FHL1: variants seen among roughly 807,000 people sequenced by gnomAD.
FHL1 encodes four and a half LIM domains 1.
Under a neutral mutation model 20.3 loss-of-function variants are expected in FHL1, and 1 was observed. That is an observed-to-expected ratio of 0.05 (90% CI 0.02 to 0.23). The LOEUF is 0.23. FHL1 is among the 10% of genes least tolerant of loss of function. The pLI, the probability that FHL1 is intolerant of heterozygous loss-of-function variation, is 1.00. For synonymous variants in FHL1, 82 were observed against 88.9 expected (o/e 0.92, Z 0.44); for missense variants, 177 against 234.0 (o/e 0.76, Z 1.59).
rs774705126 is a variant in FHL1, at chrX:136,183,137, G to C, written c.-27+13157G>C. On this transcript the variant is annotated intron_variant, in intron 2 of 6. Coordinates refer to the FHL1 transcript ENST00000394153. ...AAAACAAACAAACAAAAAAAAAACAGAAAATATATTTTGGGCAGAGATTAG... is the reference window on the plus strand; with the variant it reads ...AAAACAAACAAACAAAAAAAAAACACAAAATATATTTTGGGCAGAGATTAG... Among the ~76,000 whole-genome samples, 10 of 105,911 alleles carry C rather than the reference G, an allele frequency of 9.4e-5. No individual in the cohort carries two copies. In the South Asian group the frequency reaches 3.4e-3, roughly 36 times the overall value. 92.0% of individuals were successfully genotyped at this position (105,911 alleles called of 115,157 possible).
intron 2 of FHL1, among the ~76,000 whole-genome samples, chrX:136,173,311 T>G (rs924620137): frequency 1.2e-4 from 13 of 112,691 alleles, no homozygotes; most frequent in Non-Finnish European, 1.9e-4. Context: ...CATTATTGAT[T>G]TGGCAGTTTT....
intron 1 of FHL1, chrX:136,169,754 G>T: frequency 3.0e-6 from 1 of 329,580 alleles, no homozygotes; most frequent in South Asian, 2.6e-5. Flanking sequence ...CATCTTGGCA[G>T]TTTTCCTTTA....
chrX:136,170,494 A>G (rs901572105), intron 2 of FHL1, among the ~76,000 whole-genome samples: 4 of 110,790 alleles, frequency 3.6e-5, no homozygotes, highest in African/African-American at 1.3e-4. Flanking sequence ...GGTCCAGGAG[A>G]TTTTCTTCTG....
At position 136,207,947 on chromosome X, in the gene FHL1, G is replaced by A. The variant is rs779919392; in HGVS notation, c.535G>A (p.Val179Met). 8 of 1,211,201 alleles carry A rather than the reference G, an allele frequency of 6.6e-6. No individual in the cohort carries two copies. The highest frequency in any genetic ancestry group is 8.9e-6 in the Non-Finnish European group (8 of 895,434). Residue 179 changes from valine (V) to methionine (M), a missense_variant, in exon 4 of 6, where the codon GTG (valine) becomes ATG (methionine). Physicochemically the swap from Val to Met is conservative, Grantham distance 21. Transcript: ENST00000370683. Reference protein sequence around the residue: ...CHETKFAKHCVKCNKAITSGG... With the variant: ...CHETKFAKHCMKCNKAITSGG... ...TGAGACCAAGTTTGCCAAGCATTGC[G>A]TGAAGTGCAACAAGGTATGCTTTCA...
At chrX:136,159,445 G>A (rs1231319318) in intron 1 of FHL1, among the ~76,000 whole-genome samples, 3 of 111,861 alleles carry the variant, frequency 2.7e-5, no homozygotes, top group Non-Finnish European at 3.8e-5. Context: ...GGGTGGTTGA[G>A]GTGGGAGAAT....
intron 1 of FHL1, among the ~76,000 whole-genome samples, chrX:136,161,815 C>T (rs1429453213): frequency 8.9e-6 from 1 of 111,808 alleles, no homozygotes; most frequent in Non-Finnish European, 1.9e-5. Context: ...CTGTGGGGAG[C>T]CTTAAAACAA....
chrX:136,208,783 C>A, intron 5 of FHL1, 142 bp downstream of exon 5: 1 of 618,356 alleles, frequency 1.6e-6, no homozygotes, highest in Admixed American at 2.5e-5. Context: ...CCAAAGGCCC[C>A]CCAAGAGTTT....
At chrX:136,169,926 C>G (rs1224895550) in exon 2 of FHL1, 2 of 330,784 alleles carry the variant, frequency 6.0e-6, no homozygotes, top group Admixed American at 3.1e-5. Context: ...AAGTTGTTTT[C>G]AACCATATCC....
chrX:136,164,956 T>C (rs2072672147), upstream of FHL1, among the ~76,000 whole-genome samples: 2 of 112,273 alleles, frequency 1.8e-5, no homozygotes, highest in African/African-American at 6.5e-5. Flanking sequence ...TTTAAAAATA[T>C]AACCCATCTT....
chrX:136,196,841 T>C, upstream of FHL1: 1 of 1,167,138 alleles, frequency 8.6e-7, no homozygotes, highest in Non-Finnish European at 1.1e-6. Flanking sequence ...TGGAGCTAAT[T>C]TGGATGCTGA....
chrX:136,175,311 AAC>A (rs1183163749), intron 2 of FHL1, among the ~76,000 whole-genome samples: 1 of 112,865 alleles, frequency 8.9e-6, no homozygotes, highest in Non-Finnish European at 1.9e-5. Flanking sequence ...ACAAAAAGAA[AAC>A]ACAATGTTAA....
chrX:136,153,163 T>G (rs1422067794), intron 1 of FHL1, among the ~76,000 whole-genome samples: 1 of 111,303 alleles, frequency 9.0e-6, no homozygotes, highest in Non-Finnish European at 1.9e-5. Flanking sequence ...TGTTTTGTTT[T>G]GACAACTAAA....
chrX:136,210,598 G>C lies in FHL1; in HGVS notation c.*573G>C, dbSNP rs1197901620. On this transcript the variant is annotated 3_prime_UTR_variant, in exon 6 of 6. Coordinates refer to ENST00000370683, the MANE Select transcript of FHL1 (RefSeq NM_001159699.2). Reference sequence around the variant, plus strand: ...TCCAGAAAATTAACATTTGAACTTAGCTGTAATTCTAAACTGACCTTTCCC... The same window carrying C: ...TCCAGAAAATTAACATTTGAACTTACCTGTAATTCTAAACTGACCTTTCCC... The C allele has an allele frequency of 1.8e-5, 7 of 390,317 alleles. No homozygotes were observed. In the South Asian group the frequency reaches 1.8e-4, roughly 10 times the overall value. The allele number at this position is 390,317 out of a possible 1,213,427, so 32.2% of individuals were successfully genotyped here. A position where few individuals can be genotyped will look rare whatever the true frequency, so the allele number is the denominator to read the frequency against.
intron 1 of FHL1, among the ~76,000 whole-genome samples, chrX:136,153,636 T>C (rs1018992086): frequency 2.7e-5 from 3 of 111,835 alleles, no homozygotes; most frequent in African/African-American, 9.8e-5. Context: ...AATTTTTCAA[T>C]AAGAATGGTA....
chrX:136,173,393 T>C (rs887297559), intron 2 of FHL1, among the ~76,000 whole-genome samples: 1 of 112,415 alleles, frequency 8.9e-6, no homozygotes, highest in Non-Finnish European at 1.9e-5. Flanking sequence ...TTTGTATTGA[T>C]GTAACCTCTC....
chrX:136,149,864 T>A (rs1328753202), intron 1 of FHL1, among the ~76,000 whole-genome samples: 1 of 112,143 alleles, frequency 8.9e-6, no homozygotes, highest in Non-Finnish European at 1.9e-5. Flanking sequence ...AAAAATGCAT[T>A]TATTTACACT....
At chrX:136,194,569 A>G (rs890912967), upstream of FHL1, among the ~76,000 whole-genome samples, 1 of 111,823 alleles carries the variant, frequency 8.9e-6, no homozygotes, top group Non-Finnish European at 1.9e-5. Context: ...ACCATCATAC[A>G]CCAAAGAGAG....
At chrX:136,203,846 C>A (rs1371502923) in intron 1 of FHL1, among the ~76,000 whole-genome samples, 2 of 112,104 alleles carry the variant, frequency 1.8e-5, no homozygotes, top group Non-Finnish European at 3.8e-5. Context: ...TGGTATGACA[C>A]TAGTTAACCT....
chrX:136,201,832 G>C (rs1417459968), intron 1 of FHL1, among the ~76,000 whole-genome samples: 1 of 110,334 alleles, frequency 9.1e-6, no homozygotes, highest in Non-Finnish European at 1.9e-5. Context: ...ACAAAGACAA[G>C]TGGTAAGGGA....
Sources: gnomAD v4.1 joint callset for allele counts (sites outside exome capture counted in the v4.1 genomes callset) on GRCh38, gnomAD v4.1.1 for gene constraint, MANE v1.5 for transcripts, NCBI Gene and HGNC (gene_info 2026-07-23, HGNC 2026-07-21) for gene names.